The following VPS35 variants were observed in gnomAD, a reference collection of about 807,000 sequenced individuals.
The protein encoded by VPS35 is VPS35 retromer complex component, also known as vacuolar protein sorting-associated protein 35.
A neutral mutation model predicts 98.1 loss-of-function variants in VPS35; 21 were observed. The observed-to-expected ratio is 0.21, with a 90% CI of 0.15 to 0.31. The LOEUF (loss-of-function observed/expected upper bound fraction) is 0.31, where lower values mean the gene tolerates loss of function less well. Ranked by LOEUF, VPS35 falls within the 10% of genes least tolerant of loss-of-function variation. The probability of loss-of-function intolerance (pLI) is 1.00; values close to 1 mark genes in which losing one functional copy is unlikely to be tolerated. For missense variants in VPS35, 554 were observed against 950.8 expected, an observed-to-expected ratio of 0.58 and a Z score of 5.49; for synonymous variants, 268 against 318.2, an observed-to-expected ratio of 0.84 and a Z score of 1.68.
intron 1 of VPS35, 125 bp from the exon 2 acceptor site, chr16:46,683,731 A>G (rs1438098825): frequency 9.3e-7 from 1 of 1,075,626 alleles, no homozygotes; most frequent in Non-Finnish European, 1.4e-6. Flanking sequence ...CCATTTACCA[A>G]ATTTTTTTTT....
rs748012697 is a variant in VPS35 at position 46,662,339 on chromosome 16, T to C, written c.1971A>G (p.Ala657=). ...EPLRTQCALA[A]SKLLKKPDQG... ...GATCAGGTTTCTTTAGAAGTTTGGATGCAGCAAGGGCACACTGAGTCCTCA... is the reference window on the plus strand; with the variant it reads ...GATCAGGTTTCTTTAGAAGTTTGGACGCAGCAAGGGCACACTGAGTCCTCA... Residue 657 remains alanine, a synonymous_variant, in exon 15 of 17, where the codon GCA becomes GCG. Coordinates refer to ENST00000299138, the MANE Select transcript of VPS35 (RefSeq NM_018206.6). 1.9e-6 allele frequency: 3 copies of C among 1,614,226 alleles called. No homozygotes were observed. Among genetic ancestry groups the C allele is most frequent in the Non-Finnish European group, 2.5e-6 (3 of 1,180,048 alleles).
chr16:46,668,836 C>G lies in VPS35; in HGVS notation c.1647+94G>C, dbSNP rs552177866. ...TATTATACCACTGTCTATTTTTGTA[C>G]GTTTGAAATTTTTTATAATATAAAA... On this transcript the variant is annotated intron_variant, in intron 13 of 16. Coordinates refer to ENST00000299138, the MANE Select transcript of VPS35 (RefSeq NM_018206.6). 57 of 1,530,792 alleles carry G rather than the reference C, an allele frequency of 3.7e-5. No homozygotes were observed. The South Asian group carries it at 4.6e-4, about 12-fold the overall frequency. 94.8% of individuals were successfully genotyped at this position (1,530,792 alleles called of 1,614,324 possible).
In VPS35 at chr16:46,663,507, G is replaced by A. The variant is rs945635873; in HGVS notation, c.1648-345C>T. On this transcript the variant is annotated intron_variant, in intron 13 of 16. Coordinates refer to ENST00000299138, the MANE Select transcript of VPS35 (RefSeq NM_018206.6). ...AGTGATTCTCCTGCCTCAGCCTCCC[G>A]AGTAGCTGGGATTACAGGTGCCCAC... Among the ~76,000 whole-genome samples, 10 of 151,910 alleles carry A rather than the reference G, an allele frequency of 6.6e-5. No homozygotes were observed. The East Asian group carries it at 7.7e-4, about 12-fold the overall frequency.
At chr16:46,682,997 T>G (rs1427349415) in intron 2 of VPS35, 1 of 158,928 alleles carries the variant, frequency 6.3e-6, no homozygotes, top group Non-Finnish European at 1.4e-5. Context: ...TGTAAATAAG[T>G]GTTAAGTATA....
In VPS35 at chr16:46,672,402, T is replaced by C. The variant is rs1299500190; in HGVS notation, c.1231A>G (p.Asn411Asp). ...TTTAATTTCAAGACTGTTAAAATAT[T>C]GTTGTAAGTGTCAACTGGTATTTTC... The part of the protein sequence containing the change: ...LLKIPVDTYN[N>D]ILTVLKLKHF... The change falls in exon 11 of 17, where the codon AAT (asparagine) becomes GAT (aspartate). Residue 411 changes from asparagine to aspartate, a missense_variant. By Grantham distance (23) the Asn-to-Asp change is conservative. Transcript: ENST00000299138. 4 of 1,613,640 alleles carry C rather than the reference T, an allele frequency of 2.5e-6. No homozygotes were observed. The Admixed American group carries it at 6.7e-5, about 27-fold the overall frequency.
At chr16:46,676,799 A>G in intron 7 of VPS35, 107 bp from the exon 8 acceptor site, 2 of 792,662 alleles carry the variant, frequency 2.5e-6, no homozygotes, top group Middle Eastern at 2.3e-4. Flanking sequence ...TTCTTATACA[A>G]CTAAATTCAA....
At position 46,661,677 on chromosome 16, in the gene VPS35, A is replaced by C; in HGVS notation, c.2211+41T>G. On this transcript the variant is annotated intron_variant, in intron 16 of 16. Transcript: ENST00000299138. This position sits in a 1 kb window ranked among gnomAD's most constrained non-coding sequence, Gnocchi z 4.3. ...TCAAATCTCCTAAGAGTAGGAAGGG[A>C]AAATATTAGTTTATTAACAACACTT... 1 of 1,560,264 alleles carries C rather than the reference A, an allele frequency of 6.4e-7. No homozygotes were observed. The highest frequency in any genetic ancestry group is 8.8e-7 in the Non-Finnish European group (1 of 1,132,132).
intron 1 of VPS35, among the ~76,000 whole-genome samples, chr16:46,684,364 C>T (rs1052027616): frequency 1.6e-4 from 24 of 152,216 alleles, no homozygotes; most frequent in Admixed American, 1.6e-3. Context: ...AGAACAGTGA[C>T]CAGCCCCTCC....
At chr16:46,662,208 C>T (rs1965923514) in intron 15 of VPS35, 35 bp downstream of exon 15, 2 of 1,613,956 alleles carry the variant, frequency 1.2e-6, no homozygotes, top group Non-Finnish European at 1.7e-6. Context: ...TGTTATGGAT[C>T]CTGTCTGCTA....
At chr16:46,686,977 C>T (rs1289453126) in intron 1 of VPS35, among the ~76,000 whole-genome samples, 1 of 152,200 alleles carries the variant, frequency 6.6e-6, no homozygotes, top group Non-Finnish European at 1.5e-5. Context: ...CTTTTCTTTC[C>T]TCTTCTATGA....
intron 1 of VPS35, among the ~76,000 whole-genome samples, chr16:46,685,405 C>T (rs1239678479): frequency 2.6e-5 from 4 of 152,192 alleles, no homozygotes; most frequent in Non-Finnish European, 5.9e-5. Flanking sequence ...TTCTCTTGTT[C>T]TAACTTTGGA....
intron 1 of VPS35, among the ~76,000 whole-genome samples, chr16:46,687,358 C>T (rs1444354104): frequency 6.6e-6 from 1 of 152,176 alleles, no homozygotes; most frequent in African/African-American, 2.4e-5. Flanking sequence ...CACCAAACGG[C>T]TCTAACTTCA....
chr16:46,689,129 AC>A lies in VPS35; in HGVS notation c.3+1del. On this transcript the variant is annotated splice_donor_variant, in intron 1 of 16. Coordinates refer to ENST00000299138, the MANE Select transcript of VPS35 (RefSeq NM_018206.6). LOFTEE classifies it high-confidence loss of function. ...AGGTGCCACTGCCCCCTCAGCACTC[AC>A]CATGGCGACTCCCCAGAGCCTGCAG... is the stretch of plus-strand genomic sequence containing the variant. The A allele has an allele frequency of 6.2e-7, 1 of 1,608,908 alleles. No individual in the cohort carries two copies. Among genetic ancestry groups the A allele is most frequent in the Non-Finnish European group, 8.5e-7 (1 of 1,178,468 alleles).
Position 46,659,704 on chromosome 16 carries a change from T to C in VPS35, c.*768A>G, listed in dbSNP as rs1379589586. On this transcript the variant is annotated 3_prime_UTR_variant, in exon 17 of 17. Coordinates refer to ENST00000299138, the MANE Select transcript of VPS35 (RefSeq NM_018206.6). Reference sequence around the variant, plus strand: ...GTTAATAGCATCTTTATTGTTTCACTGGTGCAAAAAAAAAAATCATAATTG... The same window carrying C: ...GTTAATAGCATCTTTATTGTTTCACCGGTGCAAAAAAAAAAATCATAATTG... The C allele has an allele frequency of 6.7e-6, 1 of 148,644 alleles. No individual in the cohort carries two copies. The highest frequency in any genetic ancestry group is 1.5e-5 in the Non-Finnish European group (1 of 66,674). 9.2% of individuals were successfully genotyped at this position (148,644 alleles called of 1,614,324 possible). A position where few individuals can be genotyped will look rare whatever the true frequency, so the allele number is the denominator to read the frequency against.
chr16:46,662,442 G>A lies in VPS35; in HGVS notation c.1868C>T (p.Ala623Val). The change falls in exon 15 of 17, where the codon GCA becomes GTA. Residue 623 changes from alanine to valine, a missense_variant. Transcript: ENST00000299138. ...LYEDEISDSK[A>V]QLAAITLIIG... ...GATCAAGGTGATGGCAGCTAGCTGT[G>A]CTTTGGAATCGCTGATTTCATCTTC... The A allele has an allele frequency of 6.2e-7, 1 of 1,614,184 alleles. No homozygotes were observed. The highest frequency in any genetic ancestry group is 8.5e-7 in the Non-Finnish European group (1 of 1,180,042).
At position 46,659,080 on chromosome 16, in the gene VPS35, G is replaced by C. The variant is rs1965870582; in HGVS notation, c.*1392C>G. On this transcript the variant is annotated 3_prime_UTR_variant, in exon 17 of 17. Transcript: ENST00000299138. ...GGGAAAGCCAGCCACCATGCTGTGA[G>C]GACACTCTATGGAAGGGCCGTCAAG... 1 of 152,320 alleles carries C rather than the reference G, an allele frequency of 6.6e-6. No homozygotes were observed. Among genetic ancestry groups the C allele is most frequent in the Admixed American group, 6.5e-5 (1 of 15,280 alleles). The allele number at this position is 152,320 out of a possible 1,614,324, so 9.4% of individuals were successfully genotyped here.
At chr16:46,681,933 ACAT>A (rs1966241087) in intron 3 of VPS35, 143 bp downstream of exon 3, 1 of 659,442 alleles carries the variant, frequency 1.5e-6, no homozygotes, top group South Asian at 1.8e-5. Flanking sequence ...CTCACTTAGC[ACAT>A]CTGCATGGAG....
intron 12 of VPS35, among the ~76,000 whole-genome samples, chr16:46,670,289 A>G (rs1966049457): frequency 1.3e-5 from 2 of 152,078 alleles, no homozygotes; most frequent in Non-Finnish European, 2.9e-5. Context: ...TGCAGAAGGC[A>G]TAATTTTTTT....
At position 46,683,720 on chromosome 16, in the gene VPS35, C is replaced by A; in HGVS notation, c.4-114G>T. ...ACAATGTCCAGCTCTATACCTCAAA[C>A]CCATTTACCAAATTTTTTTTTTGAG... On this transcript the variant is annotated intron_variant, in intron 1 of 16. Transcript: ENST00000299138. 3 of 1,149,156 alleles carry A rather than the reference C, an allele frequency of 2.6e-6. No homozygotes were observed. In the East Asian group the frequency reaches 7.7e-5, roughly 30 times the overall value. 71.2% of individuals were successfully genotyped at this position (1,149,156 alleles called of 1,614,324 possible). A position where few individuals can be genotyped will look rare whatever the true frequency, so the allele number is the denominator to read the frequency against.
Sources: gnomAD v4.1 joint callset for allele counts (sites outside exome capture counted in the v4.1 genomes callset) on GRCh38, gnomAD v4.1.1 for gene constraint, Gnocchi (gnomAD v3.1) non-coding constraint, MANE v1.5 for transcripts, NCBI Gene and HGNC (gene_info 2026-07-23, HGNC 2026-07-21) for gene names.